CNTN5: variants seen among roughly 807,000 people sequenced by gnomAD.
CNTN5 encodes the protein contactin 5.
CNTN5 carries 77 observed loss-of-function variants against 129.1 expected under a neutral mutation model. That is an observed-to-expected ratio of 0.60 (90% CI 0.50 to 0.72). The LOEUF is 0.72. CNTN5 is among the 30% of genes least tolerant of loss of function. The probability of loss-of-function intolerance (pLI) is 0.00; values close to 1 mark genes in which losing one functional copy is unlikely to be tolerated. For missense variants in CNTN5, 1,478 were observed against 1,328.8 expected (o/e 1.11, Z -1.75); for synonymous variants, 509 against 465.6 (o/e 1.09, Z -1.20).
At chr11:99,651,914 C>G (rs141987837) in intron 3 of CNTN5, among the ~76,000 whole-genome samples, 22 of 151,938 alleles carry the variant, frequency 1.4e-4, no homozygotes, top group Non-Finnish European at 2.1e-4. Flanking sequence ...AAAAGTTCTG[C>G]GTTAGAAAGG....
intron 2 of CNTN5, among the ~76,000 whole-genome samples, chr11:99,538,510 C>T (rs1464389215): frequency 6.6e-6 from 1 of 151,924 alleles, no homozygotes; most frequent in Non-Finnish European, 1.5e-5. Context: ...TAATTAGAAA[C>T]CTAAAGAAAC....
chr11:100,252,848 T>G (rs983981065), intron 16 of CNTN5, among the ~76,000 whole-genome samples: 2 of 152,152 alleles, frequency 1.3e-5, no homozygotes, highest in Non-Finnish European at 2.9e-5. Context: ...GACTGACAAC[T>G]GTCTTTTCCT....
intron 2 of CNTN5, among the ~76,000 whole-genome samples, chr11:99,419,594 C>T (rs536021484): frequency 6.6e-6 from 1 of 152,136 alleles, no homozygotes; most frequent in South Asian, 2.1e-4. Flanking sequence ...AATACTAAGC[C>T]AGAGTTATAT....
chr11:99,839,371 C>T (rs549566776), intron 4 of CNTN5, among the ~76,000 whole-genome samples: 74 of 151,934 alleles, frequency 4.9e-4, no homozygotes, highest in Non-Finnish European at 7.5e-4. Flanking sequence ...CAGAACATAT[C>T]GAAGGAGGCA....
chr11:99,767,312 C>G (rs370430661), intron 3 of CNTN5, among the ~76,000 whole-genome samples: 1 of 151,818 alleles, frequency 6.6e-6, no homozygotes, highest in African/African-American at 2.4e-5. Flanking sequence ...GAGAGAGAGA[C>G]AGACTATGTA....
At chr11:99,789,432 T>A (rs1038586938) in intron 3 of CNTN5, among the ~76,000 whole-genome samples, 2 of 152,000 alleles carry the variant, frequency 1.3e-5, no homozygotes, top group Non-Finnish European at 2.9e-5. Flanking sequence ...TCTTTGGAGA[T>A]AATTTTTCAT....
At chr11:99,471,344 T>G (rs1199630087) in intron 2 of CNTN5, among the ~76,000 whole-genome samples, 3 of 152,082 alleles carry the variant, frequency 2.0e-5, no homozygotes, top group Admixed American at 2.0e-4. Flanking sequence ...TGTTTTAATA[T>G]TAGAAATGAA....
At chr11:99,371,460 T>G (rs1939819444) in intron 2 of CNTN5, among the ~76,000 whole-genome samples, 1 of 152,122 alleles carries the variant, frequency 6.6e-6, no homozygotes. Flanking sequence ...GTAAGTTAGA[T>G]CTGAGGGTTT....
chr11:99,424,836 T>G (rs957433738), intron 2 of CNTN5, among the ~76,000 whole-genome samples: 1 of 152,232 alleles, frequency 6.6e-6, no homozygotes, highest in Non-Finnish European at 1.5e-5. Flanking sequence ...GGTCCTGAGT[T>G]CTTGTTCTAT....
At chr11:99,312,774 A>G (rs1266832907) in intron 1 of CNTN5, among the ~76,000 whole-genome samples, 1 of 151,484 alleles carries the variant, frequency 6.6e-6, no homozygotes, top group African/African-American at 2.4e-5. Flanking sequence ...ATCCTACATG[A>G]TAAATGAGAA....
chr11:99,185,438 A>C (rs1003934859), intron 1 of CNTN5, among the ~76,000 whole-genome samples: 4 of 151,944 alleles, frequency 2.6e-5, no homozygotes, highest in African/African-American at 9.7e-5. Flanking sequence ...GATTACTAAA[A>C]TAGACTAATT....
intron 2 of CNTN5, among the ~76,000 whole-genome samples, chr11:99,370,095 T>A (rs1345489114): frequency 6.6e-6 from 1 of 152,140 alleles, no homozygotes; most frequent in Non-Finnish European, 1.5e-5. Context: ...GAATTTCATA[T>A]GTGAAACAAG....
At position 100,059,464 on chromosome 11, in the gene CNTN5, G is replaced by C. The variant is rs540241481; in HGVS notation, c.981-1748G>C. 2.0e-5 allele frequency among the ~76,000 whole-genome samples: 3 copies of C among 152,068 alleles called. 1 individual carries two copies. In the East Asian group the frequency reaches 5.8e-4, roughly 29 times the overall value. On this transcript the variant is annotated intron_variant, in intron 9 of 24. Coordinates refer to ENST00000524871, the MANE Select transcript of CNTN5 (RefSeq NM_014361.4). The stretch of plus-strand genomic sequence containing the variant: ...ATACACTGGGGAAGAATAGTTCTAT[G>C]GCCCTAAAACACAAAGAACTCTAAG...
At chr11:100,032,342 A>G (rs1317919215) in intron 9 of CNTN5, among the ~76,000 whole-genome samples, 1 of 152,226 alleles carries the variant, frequency 6.6e-6, no homozygotes, top group Non-Finnish European at 1.5e-5. Flanking sequence ...TTCACTATGG[A>G]ATATTTAAAT....
chr11:99,780,752 G>T (rs1377094785), intron 3 of CNTN5, among the ~76,000 whole-genome samples: 1 of 152,014 alleles, frequency 6.6e-6, no homozygotes, highest in Non-Finnish European at 1.5e-5. Flanking sequence ...TTATAAAATT[G>T]TGTGGTTTTT....
intron 4 of CNTN5, among the ~76,000 whole-genome samples, chr11:99,828,010 C>T (rs1177925835): frequency 5.9e-5 from 8 of 136,480 alleles, no homozygotes; most frequent in Non-Finnish European, 1.2e-4. Context: ...ATTAACTCAT[C>T]ACAAGAGAGT....
At chr11:99,028,813 T>A (rs1451524649) in intron 1 of CNTN5, among the ~76,000 whole-genome samples, 1 of 151,906 alleles carries the variant, frequency 6.6e-6, no homozygotes, top group African/African-American at 2.4e-5. Context: ...TTAATGCTGC[T>A]GATAAAACTT....
intron 13 of CNTN5, among the ~76,000 whole-genome samples, chr11:100,112,623 A>G (rs1945693246): frequency 6.6e-6 from 1 of 152,162 alleles, no homozygotes; most frequent in African/African-American, 2.4e-5. Context: ...ATAGGCAGCC[A>G]TGTTTCACTC....
chr11:100,000,528 G>C (rs1003302706), intron 8 of CNTN5, among the ~76,000 whole-genome samples: 2 of 152,204 alleles, frequency 1.3e-5, no homozygotes, highest in South Asian at 2.1e-4. Flanking sequence ...ATGGGCTGCC[G>C]TTGAGTGCCT....
Sources: gnomAD v4.1 joint callset for allele counts (sites outside exome capture counted in the v4.1 genomes callset) on GRCh38, gnomAD v4.1.1 for gene constraint, MANE v1.5 for transcripts, NCBI Gene and HGNC (gene_info 2026-07-23, HGNC 2026-07-21) for gene names.